The following OR51E1 variants were observed in gnomAD, a reference collection of about 807,000 sequenced individuals.
OR51E1 encodes the protein olfactory receptor 51E1.
A neutral mutation model predicts 11.5 loss-of-function variants in OR51E1; 9 were observed. The observed-to-expected ratio is 0.78, with a 90% CI of 0.47 to 1.37. The LOEUF is 1.37. Ranked by LOEUF, OR51E1 falls within the 40% of genes most tolerant of loss-of-function variation. The pLI, the probability that OR51E1 is intolerant of heterozygous loss-of-function variation, is 0.00. For missense variants in OR51E1, 397 were observed against 410.2 expected (o/e 0.97, Z 0.28); for synonymous variants, 168 against 158.3 (o/e 1.06, Z -0.46).
Position 4,652,629 on chromosome 11 carries a change from TGC to T in OR51E1, c.104_105del (p.Cys35PhefsTer10). On this transcript the variant is annotated frameshift_variant, in exon 2 of 2. Coordinates refer to ENST00000396952, the MANE Select transcript of OR51E1 (RefSeq NM_152430.4). LOFTEE classifies it high-confidence loss of function. ...TCAGTTCTGGTTGGCCTTCCCATTG[TGC>T]TCCCTCTACCTTATTGCTGTGCTAG... ...EAQFWLAFPL[C>X]SLYLIAVLGN... 1.2e-6 allele frequency: 2 copies of T among 1,614,202 alleles called. No homozygotes were observed. The highest frequency in any genetic ancestry group is 1.7e-6 in the Non-Finnish European group (2 of 1,180,022).
intron 1 of OR51E1, 63 bp from the exon 2 acceptor site, chr11:4,652,425 A>G: frequency 1.4e-6 from 1 of 723,734 alleles, no homozygotes; most frequent in Non-Finnish European, 2.4e-6. Flanking sequence ...ACATCAGGAT[A>G]GAGTCAGGTG....
chr11:4,651,005 A>G lies in OR51E1; in HGVS notation c.-39-1483A>G, dbSNP rs558149903. On this transcript the variant is annotated intron_variant, in intron 1 of 1. Coordinates refer to ENST00000396952, the MANE Select transcript of OR51E1 (RefSeq NM_152430.4). Reference sequence around the variant, plus strand: ...AAGCATTGAAGATAAGGGCTACCCTATAGTAGGAGCACATGAATATTTGTC... The same window carrying G: ...AAGCATTGAAGATAAGGGCTACCCTGTAGTAGGAGCACATGAATATTTGTC... 4.7e-5 allele frequency among the ~76,000 whole-genome samples: 7 copies of G among 148,152 alleles called. No homozygotes were observed. The East Asian group carries it at 1.3e-3, about 27-fold the overall frequency.
Position 4,653,772 on chromosome 11 carries a change from C to T in OR51E1, c.*289C>T, listed in dbSNP as rs1180395644. The T allele has an allele frequency of 1.0e-5, 3 of 289,456 alleles. No homozygotes were observed. The highest frequency in any genetic ancestry group is 2.1e-5 in the Non-Finnish European group (3 of 146,142). 17.9% of individuals were successfully genotyped at this position (289,456 alleles called of 1,614,324 possible). A position where few individuals can be genotyped will look rare whatever the true frequency, so the allele number is the denominator to read the frequency against. ...AACTGCTTCTACTGATGGTTTACAGCATTCTGAGATAAGAATGGTACATCT... is the reference window on the plus strand; with the variant it reads ...AACTGCTTCTACTGATGGTTTACAGTATTCTGAGATAAGAATGGTACATCT... On this transcript the variant is annotated 3_prime_UTR_variant, in exon 2 of 2. Coordinates refer to ENST00000396952, the MANE Select transcript of OR51E1 (RefSeq NM_152430.4).
intron 1 of OR51E1, among the ~76,000 whole-genome samples, chr11:4,648,807 G>A (rs1421025084): frequency 6.6e-6 from 1 of 152,136 alleles, no homozygotes; most frequent in East Asian, 1.9e-4. Context: ...TGTGCTGCAT[G>A]TCCACTTTGC....
chr11:4,644,982 C>T (rs1847010615), intron 1 of OR51E1, among the ~76,000 whole-genome samples: 1 of 152,070 alleles, frequency 6.6e-6, no homozygotes, highest in Non-Finnish European at 1.5e-5. Flanking sequence ...TTGCTGTCTC[C>T]CACAGTTGGA....
In OR51E1 at chr11:4,653,232, C is replaced by T. The variant is rs1321844433; in HGVS notation, c.706C>T (p.Gln236Ter). Reference sequence around the variant, plus strand: ...TGTGTTGGGCTTGACACGTGAAGCCCAGGCCAAGGCATTTGGCACTTGCGT... The same window carrying T: ...TGTGTTGGGCTTGACACGTGAAGCCTAGGCCAAGGCATTTGGCACTTGCGT... ...KTVLGLTREA[Q>*]AKAFGTCVSH... is the part of the protein sequence containing the mutation. The change falls in exon 2 of 2, where the codon CAG becomes TAG. Residue 236 changes from glutamine (Q) to a stop codon, truncating the protein, a stop_gained. Transcript: ENST00000396952. LOFTEE classifies it high-confidence loss of function. 7.4e-6 allele frequency: 12 copies of T among 1,613,802 alleles called. No individual in the cohort carries two copies. The highest frequency in any genetic ancestry group is 1.1e-5 in the South Asian group (1 of 91,080).
chr11:4,650,590 C>T (rs564478590), intron 1 of OR51E1, among the ~76,000 whole-genome samples: 93 of 152,194 alleles, frequency 6.1e-4, no homozygotes, highest in African/African-American at 1.3e-3. Context: ...TCTGGGTGAC[C>T]GCTTGATGCT....
chr11:4,650,001 A>G (rs1289007384), intron 1 of OR51E1, among the ~76,000 whole-genome samples: 2 of 152,198 alleles, frequency 1.3e-5, no homozygotes, highest in Non-Finnish European at 2.9e-5. Flanking sequence ...ATTGATTTCA[A>G]AGATCATAGT....
intron 1 of OR51E1, among the ~76,000 whole-genome samples, chr11:4,651,122 C>G (rs1026462282): frequency 6.6e-6 from 1 of 152,146 alleles, no homozygotes; most frequent in Non-Finnish European, 1.5e-5. Context: ...CATTTTCCAC[C>G]TCAGTAATAT....
chr11:4,646,413 C>G (rs920556528), intron 1 of OR51E1, among the ~76,000 whole-genome samples: 2 of 152,166 alleles, frequency 1.3e-5, no homozygotes, highest in African/African-American at 4.8e-5. Context: ...GCTTACAAAG[C>G]GAAGTCCCTT....
intron 1 of OR51E1, among the ~76,000 whole-genome samples, chr11:4,647,347 C>T (rs1847041908): frequency 6.6e-6 from 1 of 152,282 alleles, no homozygotes; most frequent in South Asian, 2.1e-4. Flanking sequence ...TAATTACTAA[C>T]AGCTGCTCAA....
chr11:4,653,604 C>A lies in OR51E1; in HGVS notation c.*121C>A. 1.7e-6 allele frequency: 1 copy of A among 588,144 alleles called. No individual in the cohort carries two copies. Among genetic ancestry groups the A allele is most frequent in the Admixed American group, 3.4e-5 (1 of 29,814 alleles). The allele number at this position is 588,144 out of a possible 1,614,324, so 36.4% of individuals were successfully genotyped here. A position where few individuals can be genotyped will look rare whatever the true frequency, so the allele number is the denominator to read the frequency against. ...TAATAAAAATACAACTCAGATCCTT[C>A]AAATATGAAACTGGTTGGGGAATCT... is the stretch of plus-strand genomic sequence containing the variant. On this transcript the variant is annotated 3_prime_UTR_variant, in exon 2 of 2. Coordinates refer to ENST00000396952, the MANE Select transcript of OR51E1 (RefSeq NM_152430.4).
Position 4,654,820 on chromosome 11 carries a change from T to C in OR51E1, c.*1337T>C, listed in dbSNP as rs1847149740. ...TTAATAGGTTTCATCTTCAACAGGA[T>C]ATGACAACAGTGTTAACCAAGAAAC... On this transcript the variant is annotated 3_prime_UTR_variant, in exon 2 of 2. Coordinates refer to ENST00000396952, the MANE Select transcript of OR51E1 (RefSeq NM_152430.4). 6.0e-6 allele frequency: 1 copy of C among 167,130 alleles called. No individual in the cohort carries two copies. Among genetic ancestry groups the C allele is most frequent in the African/African-American group, 2.4e-5 (1 of 41,462 alleles). 10.4% of individuals were successfully genotyped at this position (167,130 alleles called of 1,614,324 possible).
chr11:4,648,356 G>A (rs537027719), intron 1 of OR51E1, among the ~76,000 whole-genome samples: 23 of 152,322 alleles, frequency 1.5e-4, no homozygotes, highest in Admixed American at 1.5e-3. Context: ...GAATTGAAAA[G>A]TATATGAAAT....
At position 4,653,209 on chromosome 11, in the gene OR51E1, T is replaced by C; in HGVS notation, c.683T>C (p.Val228Ala). 6.2e-7 allele frequency: 1 copy of C among 1,614,096 alleles called. No individual in the cohort carries two copies. The highest frequency in any genetic ancestry group is 8.5e-7 in the Non-Finnish European group (1 of 1,179,946). ...TCATATCTGCTTATTCTTAAGACTG[T>C]GTTGGGCTTGACACGTGAAGCCCAG... is the stretch of plus-strand genomic sequence containing the variant. ...SFSYLLILKT[V>A]LGLTREAQAK... Residue 228 changes from valine (V) to alanine (A), a missense_variant, in exon 2 of 2, where the codon GTG (valine) becomes GCG (alanine). Physicochemically the swap from Val to Ala is moderately conservative, Grantham distance 64. Coordinates refer to ENST00000396952, the MANE Select transcript of OR51E1 (RefSeq NM_152430.4).
intron 1 of OR51E1, among the ~76,000 whole-genome samples, chr11:4,644,787 G>A (rs1238879817): frequency 6.6e-6 from 1 of 152,024 alleles, no homozygotes; most frequent in Non-Finnish European, 1.5e-5. Flanking sequence ...ATTCCCCCAA[G>A]TCACTCAGAA....
intron 1 of OR51E1, among the ~76,000 whole-genome samples, chr11:4,648,705 G>A (rs188400887): frequency 4.0e-4 from 61 of 152,276 alleles, no homozygotes; most frequent in Non-Finnish European, 6.8e-4. Flanking sequence ...CTGATGGATA[G>A]CATGGATATC....
chr11:4,655,068 T>G lies in OR51E1; in HGVS notation c.*1585T>G, dbSNP rs763167481. Reference sequence around the variant, plus strand: ...AATGTCATCTCTGTTCATCATTGACTGCTCTTTGCTCATCATTGAATCCCC... The same window carrying G: ...AATGTCATCTCTGTTCATCATTGACGGCTCTTTGCTCATCATTGAATCCCC... On this transcript the variant is annotated 3_prime_UTR_variant, in exon 2 of 2. Transcript: ENST00000396952. The G allele has an allele frequency of 6.0e-6, 1 of 167,104 alleles. No homozygotes were observed. The highest frequency in any genetic ancestry group is 1.9e-4 in the East Asian group (1 of 5,202). 10.4% of individuals were successfully genotyped at this position (167,104 alleles called of 1,614,324 possible). A position where few individuals can be genotyped will look rare whatever the true frequency, so the allele number is the denominator to read the frequency against.
At chr11:4,646,896 C>T (rs911675488) in intron 1 of OR51E1, among the ~76,000 whole-genome samples, 1 of 152,184 alleles carries the variant, frequency 6.6e-6, no homozygotes, top group Admixed American at 6.5e-5. Context: ...TAAGTTTCTG[C>T]ATTACCAGTC....
Sources: allele counts gnomAD v4.1 joint callset (sites outside exome capture counted in the v4.1 genomes callset), GRCh38; gene constraint gnomAD v4.1.1; transcripts MANE v1.5; gene names NCBI Gene and HGNC (gene_info 2026-07-23, HGNC 2026-07-21).